The following GPHN variants were observed in gnomAD, a reference collection of about 807,000 sequenced individuals.
GPHN encodes gephyrin.
GPHN carries 17 observed loss-of-function variants against 95.5 expected under a neutral mutation model. The observed-to-expected ratio is 0.18, with a 90% CI of 0.12 to 0.27. GPHN has a LOEUF of 0.27. Ranked by LOEUF, GPHN falls within the 10% of genes least tolerant of loss-of-function variation. The pLI, the probability that GPHN is intolerant of heterozygous loss-of-function variation, is 1.00. For synonymous variants in GPHN, 320 were observed against 322.5 expected (o/e 0.99, Z 0.08); for missense variants, 660 against 978.1 (o/e 0.67, Z 4.34).
chr14:66,510,219 T>C (rs1368031409), intron 1 of GPHN, among the ~76,000 whole-genome samples: 1 of 152,228 alleles, frequency 6.6e-6, no homozygotes, highest in Non-Finnish European at 1.5e-5. Context: ...GTATATCTTT[T>C]ATCTACCCTC....
chr14:67,095,807 A>C (rs1262313117), intron 12 of GPHN, among the ~76,000 whole-genome samples: 6 of 152,028 alleles, frequency 3.9e-5, no homozygotes, highest in African/African-American at 1.2e-4. Context: ...GAGGGATAGC[A>C]TTAGGAGATA....
intron 3 of GPHN, among the ~76,000 whole-genome samples, chr14:66,787,639 C>A (rs1423570325): frequency 6.6e-6 from 1 of 151,836 alleles, no homozygotes; most frequent in Non-Finnish European, 1.5e-5. Context: ...AAACATAAAT[C>A]AATGAAACAG....
intron 1 of GPHN, among the ~76,000 whole-genome samples, chr14:66,664,607 G>A (rs1335082435): frequency 1.3e-5 from 2 of 151,952 alleles, no homozygotes; most frequent in African/African-American, 4.8e-5. Flanking sequence ...CCCAAAGCTA[G>A]AAGAAGACAA....
chr14:66,726,943 GTTTAGAC>G (rs1367907222), intron 2 of GPHN, among the ~76,000 whole-genome samples: 4 of 152,160 alleles, frequency 2.6e-5, no homozygotes, highest in African/African-American at 7.2e-5. Context: ...TGAATTTTGT[GTTTAGAC>G]TTTAGTCTTA....
At chr14:67,202,045 G>A in the GPHN span, among the ~76,000 whole-genome samples, 13 of 152,146 alleles carry the variant, frequency 8.5e-5, no homozygotes, top group Admixed American at 2.0e-4. Flanking sequence ...CTTCCTCAGG[G>A]GAGACTTCCA....
intron 3 of GPHN, among the ~76,000 whole-genome samples, chr14:66,777,641 C>G (rs1282258453): frequency 6.6e-6 from 1 of 152,168 alleles, no homozygotes; most frequent in African/African-American, 2.4e-5. Flanking sequence ...AAGTGGGCTT[C>G]ATCCCTGGGA....
the GPHN span, among the ~76,000 whole-genome samples, chr14:67,485,597 T>C: frequency 6.6e-6 from 1 of 152,206 alleles, no homozygotes; most frequent in Non-Finnish European, 1.5e-5. Flanking sequence ...CCATGCCTTC[T>C]GGGGAGCTTC....
chr14:67,140,451 A>G (rs2080386572), intron 17 of GPHN, among the ~76,000 whole-genome samples: 1 of 152,126 alleles, frequency 6.6e-6, no homozygotes, highest in Non-Finnish European at 1.5e-5. Flanking sequence ...GCTAGGCTCC[A>G]GAACCTTTAT....
intron 1 of GPHN, among the ~76,000 whole-genome samples, chr14:66,584,901 T>A (rs952882481): frequency 3.3e-5 from 5 of 152,136 alleles, no homozygotes; most frequent in African/African-American, 4.8e-5. Flanking sequence ...TGCTGGCCTC[T>A]TAAAATGAGG....
intron 3 of GPHN, among the ~76,000 whole-genome samples, chr14:66,802,288 T>C (rs1425149470): frequency 1.3e-5 from 2 of 152,126 alleles, no homozygotes; most frequent in African/African-American, 4.8e-5. Context: ...ACCTCAGATA[T>C]TTCCTTAAGG....
the GPHN span, among the ~76,000 whole-genome samples, chr14:67,426,027 G>A: frequency 1.3e-5 from 2 of 151,832 alleles, no homozygotes; most frequent in East Asian, 3.9e-4. Flanking sequence ...TTACAGGCAT[G>A]AGCCACCATG....
chr14:67,197,610 C>T, the GPHN span, among the ~76,000 whole-genome samples: 14 of 152,096 alleles, frequency 9.2e-5, no homozygotes, highest in African/African-American at 1.4e-4. Context: ...ATAAGGAGCG[C>T]GCAACCAAGA....
chr14:67,201,764 G>A, the GPHN span: 1 of 310,470 alleles, frequency 3.2e-6, no homozygotes, highest in South Asian at 2.7e-5. Context: ...TATCAATAGT[G>A]TGAGCTACAA....
intron 3 of GPHN, among the ~76,000 whole-genome samples, chr14:66,811,542 T>G (rs1382780909): frequency 3.9e-5 from 5 of 129,324 alleles, no homozygotes; most frequent in African/African-American, 1.9e-4. Context: ...ACTCTTACAT[T>G]CAGCAAAAAA....
At chr14:67,460,565 A>G in the GPHN span, among the ~76,000 whole-genome samples, 4 of 152,150 alleles carry the variant, frequency 2.6e-5, no homozygotes, top group African/African-American at 7.2e-5. Flanking sequence ...TTAGCCGGGC[A>G]TGATGGCGCA....
At chr14:67,625,680 C>CAAAAAAAAAAAAAAAAAAAA in the GPHN span, among the ~76,000 whole-genome samples, 1 of 32,128 alleles carries the variant, frequency 3.1e-5, no homozygotes, top group African/African-American at 1.0e-4. Context: ...AACTCCATCT[C>CAAAAAAAAAAAAAAAAAAAA]AAAAAAAAAA....
At chr14:66,665,217 T>C (rs2065883118) in intron 1 of GPHN, among the ~76,000 whole-genome samples, 1 of 152,132 alleles carries the variant, frequency 6.6e-6, no homozygotes, top group Admixed American at 6.6e-5. Flanking sequence ...TGATGAATAC[T>C]GATGCAAAAA....
chr14:66,934,640 G>A (rs548385355), intron 8 of GPHN, among the ~76,000 whole-genome samples: 1 of 152,282 alleles, frequency 6.6e-6, no homozygotes, highest in South Asian at 2.1e-4. Flanking sequence ...ACATGAATGA[G>A]GAAATATACA....
At chr14:67,303,468 G>T in the GPHN span, 1 of 1,337,082 alleles carries the variant, frequency 7.5e-7, no homozygotes, top group Non-Finnish European at 1.1e-6. Flanking sequence ...ATAAAATCAT[G>T]GAATGATTTT....
Sources: allele counts gnomAD v4.1 joint callset (sites outside exome capture counted in the v4.1 genomes callset), GRCh38; gene constraint gnomAD v4.1.1; transcripts MANE v1.5; gene names NCBI Gene and HGNC (gene_info 2026-07-23, HGNC 2026-07-21).